ATP10B: variants seen among roughly 807,000 people sequenced by gnomAD.
ATP10B encodes the protein ATPase phospholipid transporting 10B (putative), also known as phospholipid-transporting ATPase VB.
A neutral mutation model predicts 141.2 loss-of-function variants in ATP10B; 122 were observed. The ratio of observed to expected loss-of-function variants is 0.86; its 90% CI spans 0.75 to 1.00. The LOEUF is 1.00. Ranked by LOEUF, ATP10B falls within the 50% of genes least tolerant of loss-of-function variation. The probability of loss-of-function intolerance (pLI) is 0.00; values close to 1 mark genes in which losing one functional copy is unlikely to be tolerated. For synonymous variants in ATP10B, 685 were observed against 692.0 expected, an observed-to-expected ratio of 0.99 and a Z score of 0.16; for missense variants, 1,876 against 1,825.3, an observed-to-expected ratio of 1.03 and a Z score of -0.51.
At chr5:160,612,579 G>A in intron 18 of ATP10B, 162 bp downstream of exon 18, 2 of 545,020 alleles carry the variant, frequency 3.7e-6, no homozygotes. Context: ...TATTGGGCTG[G>A]ATGACTTCCA....
intron 7 of ATP10B, among the ~76,000 whole-genome samples, chr5:160,659,449 T>G (rs1761749560): frequency 6.6e-6 from 1 of 151,842 alleles, no homozygotes; most frequent in Non-Finnish European, 1.5e-5. Flanking sequence ...CAGGCAACAG[T>G]GCAAGGCTCC....
chr5:160,716,845 T>C, intron 3 of ATP10B, 64 bp downstream of exon 3: 4 of 940,212 alleles, frequency 4.3e-6, no homozygotes, highest in Non-Finnish European at 5.1e-6. Context: ...TGGAGCTACA[T>C]CCACCTCAGT....
chr5:160,768,541 T>G (rs1487591245), intron 2 of ATP10B, among the ~76,000 whole-genome samples: 1 of 152,202 alleles, frequency 6.6e-6, no homozygotes, highest in East Asian at 1.9e-4. Context: ...ATCAGTACCA[T>G]GGCATTAGGC....
intron 1 of ATP10B, among the ~76,000 whole-genome samples, chr5:160,844,221 C>CAT (rs889761141): frequency 6.6e-6 from 1 of 152,028 alleles, no homozygotes; most frequent in African/African-American, 2.4e-5. Flanking sequence ...CACACACACA[C>CAT]ATATATGTGC....
At chr5:160,803,560 C>A (rs1005540908) in intron 1 of ATP10B, among the ~76,000 whole-genome samples, 1 of 152,114 alleles carries the variant, frequency 6.6e-6, no homozygotes, top group African/African-American at 2.4e-5. Flanking sequence ...CCTGTAATCC[C>A]AGCTTCTTGG....
chr5:160,830,831 G>A (rs1335581233), intron 1 of ATP10B, among the ~76,000 whole-genome samples: 4 of 151,974 alleles, frequency 2.6e-5, no homozygotes, highest in Non-Finnish European at 5.9e-5. Flanking sequence ...AGCTTGTGCT[G>A]GCCTTCAACC....
intron 21 of ATP10B, 82 bp from the exon 22 acceptor site, chr5:160,599,052 G>T: frequency 1.5e-6 from 2 of 1,315,108 alleles, no homozygotes; most frequent in Non-Finnish European, 1.1e-6. Context: ...TCTGGGAGCT[G>T]CTGGAGTGGC....
chr5:160,678,887 C>T (rs1248499199), intron 6 of ATP10B, among the ~76,000 whole-genome samples: 2 of 152,158 alleles, frequency 1.3e-5, no homozygotes, highest in African/African-American at 4.8e-5. Flanking sequence ...GCCCTCCATG[C>T]CAAGCATCCA....
At chr5:160,757,699 A>C (rs1383471426) in intron 2 of ATP10B, among the ~76,000 whole-genome samples, 1 of 151,822 alleles carries the variant, frequency 6.6e-6, no homozygotes, top group Non-Finnish European at 1.5e-5. Flanking sequence ...GGATGGGGGG[A>C]TATATATGGT....
chr5:160,629,671 A>G (rs1236613662), intron 13 of ATP10B, among the ~76,000 whole-genome samples: 1 of 152,216 alleles, frequency 6.6e-6, no homozygotes, highest in African/African-American at 2.4e-5. Context: ...ATCTGTCTAG[A>G]ACACACAATT....
In ATP10B at chr5:160,565,670, C is replaced by T; in HGVS notation, c.4169G>A (p.Arg1390Lys). ...GAGTACTGACTCTTCCACATGCTTC[C>T]TCTTGGGAGGGTTAGAGCTCTTTGG... is the stretch of plus-strand genomic sequence containing the variant. Reference protein sequence around the residue: ...STPKSSNPPKRKHVEESVLHE... With the variant: ...STPKSSNPPKKKHVEESVLHE... Residue 1390 changes from arginine to lysine, a missense_variant, in exon 26 of 26, where the codon AGG becomes AAG. By Grantham distance (26) the Arg-to-Lys change is conservative. Coordinates refer to ENST00000327245, the MANE Select transcript of ATP10B (RefSeq NM_025153.3). The T allele has an allele frequency of 1.2e-6, 2 of 1,614,104 alleles. No homozygotes were observed. The highest frequency in any genetic ancestry group is 1.7e-6 in the Non-Finnish European group (2 of 1,179,996).
At chr5:160,680,492 A>C (rs1763314713) in intron 6 of ATP10B, among the ~76,000 whole-genome samples, 1 of 152,142 alleles carries the variant, frequency 6.6e-6, no homozygotes, top group African/African-American at 2.4e-5. Flanking sequence ...AGGTGGAAAA[A>C]CTTTAGGGAC....
At chr5:160,728,100 CT>C (rs55998115) in intron 2 of ATP10B, among the ~76,000 whole-genome samples, 1 of 145,760 alleles carries the variant, frequency 6.9e-6, no homozygotes. Context: ...TCTTCCTTTA[CT>C]TTTTTTTTCT....
chr5:160,658,123 T>G (rs1761635562), intron 7 of ATP10B, among the ~76,000 whole-genome samples: 1 of 152,224 alleles, frequency 6.6e-6, no homozygotes, highest in South Asian at 2.1e-4. Context: ...ATGATCACAA[T>G]GTGTCACCTC....
intron 2 of ATP10B, among the ~76,000 whole-genome samples, chr5:160,770,838 T>G (rs1468504321): frequency 6.6e-6 from 1 of 152,210 alleles, no homozygotes; most frequent in Non-Finnish European, 1.5e-5. Context: ...ACTGAATAGA[T>G]GGTATGCAAT....
intron 3 of ATP10B, among the ~76,000 whole-genome samples, chr5:160,697,819 C>T (rs1764458653): frequency 6.6e-6 from 1 of 152,174 alleles, no homozygotes; most frequent in Non-Finnish European, 1.5e-5. Context: ...CAAGCATCTT[C>T]AGCATGCCAC....
rs1182140162 is a variant in ATP10B at position 160,720,575 on chromosome 5, C to T, written c.-330-3541G>A. Among the ~76,000 whole-genome samples the T allele has an allele frequency of 2.6e-5, 4 of 152,218 alleles. No individual in the cohort carries two copies. The East Asian group carries it at 7.7e-4, about 29-fold the overall frequency. On this transcript the variant is annotated intron_variant, in intron 2 of 25. Coordinates refer to ENST00000327245, the MANE Select transcript of ATP10B (RefSeq NM_025153.3). The stretch of plus-strand genomic sequence containing the variant: ...AGGCGTTGGCCAAGAAATCTTGATC[C>T]TTGTTGTGTGATATAAAATATTCTT...
the ATP10B span, among the ~76,000 whole-genome samples, chr5:160,884,895 A>C: frequency 6.6e-6 from 1 of 152,216 alleles, no homozygotes; most frequent in Non-Finnish European, 1.5e-5. Flanking sequence ...AATTGCAGGA[A>C]AAAGTTATAT....
chr5:160,660,470 C>T lies in ATP10B; in HGVS notation c.675+9993G>A, dbSNP rs534777891. 5.9e-5 allele frequency among the ~76,000 whole-genome samples: 9 copies of T among 152,324 alleles called. No homozygotes were observed. In the South Asian group the frequency reaches 1.9e-3, roughly 32 times the overall value. Reference sequence around the variant, plus strand: ...ATTGATGCTAAAAAAGAAAAACCCACTGAACACCTTTGGAGGATCCTAGGC... The same window carrying T: ...ATTGATGCTAAAAAAGAAAAACCCATTGAACACCTTTGGAGGATCCTAGGC... On this transcript the variant is annotated intron_variant, in intron 7 of 25. Transcript: ENST00000327245.
Sources: allele counts gnomAD v4.1 joint callset (sites outside exome capture counted in the v4.1 genomes callset), GRCh38; gene constraint gnomAD v4.1.1; transcripts MANE v1.5; gene names NCBI Gene and HGNC (gene_info 2026-07-23, HGNC 2026-07-21).